COLQ: variants seen among roughly 807,000 people sequenced by gnomAD.
COLQ encodes the protein collagen like tail subunit of asymmetric acetylcholinesterase, also known as acetylcholinesterase collagenic tail peptide.
A neutral mutation model predicts 69.0 loss-of-function variants in COLQ; 48 were observed. The ratio of observed to expected loss-of-function variants is 0.70; its 90% confidence interval spans 0.55 to 0.88. The LOEUF (loss-of-function observed/expected upper bound fraction) is 0.88. Among genes scored for constraint, COLQ ranks in the 40% least tolerant of loss-of-function variants. The pLI is 0.00. For missense variants in COLQ, 618 were observed against 594.6 expected, an observed-to-expected ratio of 1.04 and a Z score of -0.41; for synonymous variants, 217 against 211.2, an observed-to-expected ratio of 1.03 and a Z score of -0.24.
intron 3 of COLQ, among the ~76,000 whole-genome samples, chr3:15,481,209 T>A (rs1164574289): frequency 6.6e-6 from 1 of 152,234 alleles, no homozygotes; most frequent in Non-Finnish European, 1.5e-5. Flanking sequence ...TTAGTTTAAT[T>A]AGATCCTATT....
intron 1 of COLQ, among the ~76,000 whole-genome samples, chr3:15,499,609 T>C (rs111971266): frequency 0.015 from 2,277 of 152,356 alleles, 21 homozygotes; most frequent in Non-Finnish European, 0.023. Context: ...TGCCAAGCCC[T>C]GCACTATAAC....
At chr3:15,476,656 T>C (rs999970336) in intron 6 of COLQ, among the ~76,000 whole-genome samples, 1 of 152,254 alleles carries the variant, frequency 6.6e-6, no homozygotes, top group African/African-American at 2.4e-5. Flanking sequence ...ATGTGCTTGC[T>C]TTCCATAGCC....
Position 15,473,859 on chromosome 3 carries a change from C to G in COLQ, c.636+141G>C. 1.1e-6 allele frequency: 1 copy of G among 944,882 alleles called. No individual in the cohort carries two copies. Among genetic ancestry groups the G allele is most frequent in the Non-Finnish European group, 1.7e-6 (1 of 597,540 alleles). 58.5% of individuals were successfully genotyped at this position (944,882 alleles called of 1,614,324 possible). A position where few individuals can be genotyped will look rare whatever the true frequency, so the allele number is the denominator to read the frequency against. ...TCTCCCCAGGGTGAAAAGCAACTTG[C>G]TTCCCGTCCCAAAATAGAAGTTTCC... On this transcript the variant is annotated intron_variant, in intron 10 of 16. Coordinates refer to ENST00000383788, the MANE Select transcript of COLQ (RefSeq NM_005677.4). This position sits in a 1 kb window ranked among gnomAD's most constrained non-coding sequence, Gnocchi z 4.0.
At chr3:15,459,517 C>T (rs1224190070) in intron 12 of COLQ, among the ~76,000 whole-genome samples, 12 of 144,444 alleles carry the variant, frequency 8.3e-5, no homozygotes, top group African/African-American at 1.6e-4. Flanking sequence ...CTCACTCTGT[C>T]GCCCAGGGTG....
chr3:15,501,344 G>A (rs1159706560), intron 1 of COLQ, among the ~76,000 whole-genome samples: 1 of 152,190 alleles, frequency 6.6e-6, no homozygotes, highest in Non-Finnish European at 1.5e-5. Flanking sequence ...CGATGGGGCT[G>A]AAGTAGATTC....
At chr3:15,493,501 C>T (rs576137249) in intron 1 of COLQ, among the ~76,000 whole-genome samples, 19 of 152,366 alleles carry the variant, frequency 1.2e-4, no homozygotes, top group African/African-American at 3.1e-4. Flanking sequence ...TCCTCTTTGG[C>T]GTCTTCACGC....
chr3:15,475,968 A>G (rs2062372606), intron 6 of COLQ, among the ~76,000 whole-genome samples: 1 of 152,230 alleles, frequency 6.6e-6, no homozygotes, highest in Non-Finnish European at 1.5e-5. Flanking sequence ...TAACCAATAG[A>G]AATATAAGGT....
At chr3:15,508,291 TTG>T (rs2062937533) in intron 1 of COLQ, among the ~76,000 whole-genome samples, 1 of 152,244 alleles carries the variant, frequency 6.6e-6, no homozygotes, top group South Asian at 2.1e-4. Context: ...ACAACACATA[TTG>T]AGCACTATGT....
chr3:15,478,744 GC>G, intron 5 of COLQ: 5 of 614,544 alleles, frequency 8.1e-6, no homozygotes, highest in Non-Finnish European at 1.5e-5. Flanking sequence ...AGGCTTGGCA[GC>G]CCCCGGAAGA....
chr3:15,456,422 G>A, intron 14 of COLQ, 38 bp downstream of exon 14: 1 of 1,612,688 alleles, frequency 6.2e-7, no homozygotes, highest in Non-Finnish European at 8.5e-7. Flanking sequence ...CTCTCTCCTG[G>A]GCAGGGAGTA....
chr3:15,492,209 T>C (rs1266267603), intron 1 of COLQ, among the ~76,000 whole-genome samples: 5 of 152,196 alleles, frequency 3.3e-5, no homozygotes, highest in African/African-American at 7.2e-5. Context: ...ATAAAGATTA[T>C]GGTATTGGCA....
At chr3:15,498,601 C>T in intron 1 of COLQ, 1 of 1,551,718 alleles carries the variant, frequency 6.4e-7, no homozygotes, top group African/African-American at 1.4e-5. Flanking sequence ...GAGGCAGGGC[C>T]CAAAGCGGAC....
intron 12 of COLQ, among the ~76,000 whole-genome samples, chr3:15,463,843 C>T (rs2062158252): frequency 6.6e-6 from 1 of 152,156 alleles, no homozygotes; most frequent in South Asian, 2.1e-4. Context: ...CCAGCCAATT[C>T]CAGAAATGAA....
chr3:15,474,699 C>T (rs953808488), intron 8 of COLQ, among the ~76,000 whole-genome samples: 4 of 152,244 alleles, frequency 2.6e-5, no homozygotes, highest in Non-Finnish European at 5.9e-5. Flanking sequence ...GTGCTCCACA[C>T]GAGGGGCCTC....
In COLQ at chr3:15,463,938, T is replaced by C. The variant is rs371151591; in HGVS notation, c.814+2403A>G. Among the ~76,000 whole-genome samples, 305 of 152,342 alleles carry C rather than the reference T, an allele frequency of 2.0e-3. 1 individual carries two copies. Among genetic ancestry groups the C allele is most frequent in the African/African-American group, 7.1e-3 (294 of 41,576 alleles). ...GGAAACAGGCGCAGCAAACATAAGT[T>C]ATTACCCATACTAATCAGTGTTTGT... is the stretch of plus-strand genomic sequence containing the variant. On this transcript the variant is annotated intron_variant, in intron 12 of 16. Transcript: ENST00000383788.
At chr3:15,477,437 C>T (rs1285696983) in intron 5 of COLQ, 1 of 530,436 alleles carries the variant, frequency 1.9e-6, no homozygotes, top group East Asian at 3.3e-5. Flanking sequence ...CTCTAAACTT[C>T]TTGGTTTTTT....
intron 1 of COLQ, chr3:15,499,013 A>ATGGT: frequency 9.5e-7 from 1 of 1,055,730 alleles, no homozygotes; most frequent in Non-Finnish European, 1.2e-6. Context: ...GGTAAGCCTC[A>ATGGT]AAGTCAACCC....
intron 1 of COLQ, among the ~76,000 whole-genome samples, chr3:15,511,906 C>T (rs766516054): frequency 4.6e-5 from 7 of 152,186 alleles, no homozygotes; most frequent in Non-Finnish European, 7.3e-5. Flanking sequence ...TCCCCTCATA[C>T]GGGGGACAAG....
chr3:15,499,440 T>G (rs2125159941), intron 1 of COLQ, among the ~76,000 whole-genome samples: 1 of 152,306 alleles, frequency 6.6e-6, no homozygotes, highest in African/African-American at 2.4e-5. Context: ...TAGTAAATAT[T>G]TAGGCTTTGT....
Sources: gnomAD v4.1 joint callset for allele counts (sites outside exome capture counted in the v4.1 genomes callset) on GRCh38, gnomAD v4.1.1 for gene constraint, Gnocchi (gnomAD v3.1) non-coding constraint, MANE v1.5 for transcripts, NCBI Gene and HGNC (gene_info 2026-07-23, HGNC 2026-07-21) for gene names.